LRP1B: variants seen among roughly 807,000 people sequenced by gnomAD.
LRP1B encodes the protein low-density lipoprotein receptor-related protein 1B.
Under a neutral mutation model 556.6 loss-of-function variants are expected in LRP1B, and 217 were observed. The ratio of observed to expected loss-of-function variants is 0.39; its 90% CI spans 0.35 to 0.44. The LOEUF (loss-of-function observed/expected upper bound fraction) is 0.44, where lower values mean the gene tolerates loss of function less well. Ranked by LOEUF, LRP1B falls within the 20% of genes least tolerant of loss-of-function variation. The pLI, the probability that LRP1B is intolerant of heterozygous loss-of-function variation, is 1.00. For synonymous variants in LRP1B, 2,047 were observed against 1,865.8 expected (o/e 1.10, Z -2.50); for missense variants, 5,053 against 5,620.8 (o/e 0.90, Z 3.23).
chr2:141,974,446 C>T (rs1435655336), intron 1 of LRP1B, among the ~76,000 whole-genome samples: 3 of 151,974 alleles, frequency 2.0e-5, no homozygotes, highest in Non-Finnish European at 4.4e-5. Flanking sequence ...ATACAGTATG[C>T]GTCACAGACC....
chr2:142,129,515 A>G (rs954291010), intron 1 of LRP1B, among the ~76,000 whole-genome samples: 1 of 152,080 alleles, frequency 6.6e-6, no homozygotes, highest in Admixed American at 6.5e-5. Context: ...TGTAAATACA[A>G]TAACTAAATC....
At chr2:141,402,614 T>C (rs1690487626) in intron 3 of LRP1B, among the ~76,000 whole-genome samples, 2 of 152,120 alleles carry the variant, frequency 1.3e-5, no homozygotes, top group South Asian at 4.1e-4. Context: ...TATCTTCATG[T>C]ATACTTTTAT....
At chr2:141,854,915 T>C (rs1285044717) in intron 1 of LRP1B, among the ~76,000 whole-genome samples, 2 of 152,098 alleles carry the variant, frequency 1.3e-5, no homozygotes, top group African/African-American at 2.4e-5. Context: ...GCCTAGGCTT[T>C]GTAATTGCTG....
intron 84 of LRP1B, among the ~76,000 whole-genome samples, chr2:140,275,846 A>T (rs894450679): frequency 1.3e-5 from 2 of 151,982 alleles, no homozygotes; most frequent in Non-Finnish European, 2.9e-5. Flanking sequence ...TCACCCAAAT[A>T]TTTCTATACC....
At chr2:140,769,689 A>G (rs1689238911) in intron 34 of LRP1B, among the ~76,000 whole-genome samples, 1 of 151,994 alleles carries the variant, frequency 6.6e-6, no homozygotes, top group Non-Finnish European at 1.5e-5. Context: ...GCACTGAGTT[A>G]GATGATTTGT....
At chr2:140,838,479 G>T (rs115598361) in intron 31 of LRP1B, among the ~76,000 whole-genome samples, 347 of 152,200 alleles carry the variant, frequency 2.3e-3, no homozygotes, top group African/African-American at 7.8e-3. Flanking sequence ...CATTTTATAT[G>T]AGAGGTTTAT....
At chr2:141,129,877 T>C (rs1342065173) in intron 7 of LRP1B, among the ~76,000 whole-genome samples, 1 of 151,144 alleles carries the variant, frequency 6.6e-6, no homozygotes, top group Non-Finnish European at 1.5e-5. Flanking sequence ...GATTGTACTG[T>C]TCACATGGAA....
At chr2:141,766,851 T>C (rs556115836) in intron 2 of LRP1B, among the ~76,000 whole-genome samples, 1 of 152,296 alleles carries the variant, frequency 6.6e-6, no homozygotes, top group African/African-American at 2.4e-5. Flanking sequence ...CAGGAAGGCT[T>C]ATAGCCTTGT....
chr2:140,843,488 G>A (rs986273433), intron 29 of LRP1B, among the ~76,000 whole-genome samples: 3 of 151,998 alleles, frequency 2.0e-5, no homozygotes, highest in African/African-American at 7.2e-5. Flanking sequence ...CATATAGCGT[G>A]ACTATAGCTA....
At chr2:141,167,839 A>G (rs1372793198) in intron 7 of LRP1B, among the ~76,000 whole-genome samples, 1 of 151,988 alleles carries the variant, frequency 6.6e-6, no homozygotes, top group Non-Finnish European at 1.5e-5. Context: ...ATGAAGTGAG[A>G]AAACTTGGTT....
chr2:141,690,506 G>A (rs1461030675), intron 2 of LRP1B, among the ~76,000 whole-genome samples: 1 of 144,206 alleles, frequency 6.9e-6, no homozygotes, highest in African/African-American at 2.5e-5. Context: ...TTGTATTTCA[G>A]TTTTACAACC....
chr2:141,571,814 C>T (rs1008475463), intron 2 of LRP1B, among the ~76,000 whole-genome samples: 1 of 151,396 alleles, frequency 6.6e-6, no homozygotes, highest in African/African-American at 2.4e-5. Flanking sequence ...ATCAACCAAG[C>T]AGAAAAAAAG....
chr2:141,159,032 T>C (rs1438990425), intron 7 of LRP1B, among the ~76,000 whole-genome samples: 2 of 152,182 alleles, frequency 1.3e-5, no homozygotes, highest in Non-Finnish European at 2.9e-5. Flanking sequence ...CACAGTGCTT[T>C]ATAATAAAAT....
intron 48 of LRP1B, 61 bp downstream of exon 48, chr2:140,526,176 G>GT: frequency 6.7e-7 from 1 of 1,495,110 alleles, no homozygotes; most frequent in South Asian, 1.1e-5. Flanking sequence ...CTTGCACAGT[G>GT]TTCAATGCAA....
chr2:140,860,957 C>T (rs1035793194), intron 27 of LRP1B, among the ~76,000 whole-genome samples: 1 of 151,664 alleles, frequency 6.6e-6, no homozygotes. Flanking sequence ...ATGTGTAAAA[C>T]GAAGTAAGAG....
At chr2:140,831,371 C>T (rs888124574) in intron 31 of LRP1B, among the ~76,000 whole-genome samples, 2 of 152,068 alleles carry the variant, frequency 1.3e-5, no homozygotes, top group Non-Finnish European at 2.9e-5. Flanking sequence ...TAAATCCATA[C>T]ACTTACAGCC....
chr2:140,306,635 G>GT (rs572421664), intron 83 of LRP1B, among the ~76,000 whole-genome samples: 1 of 151,126 alleles, frequency 6.6e-6, no homozygotes, highest in Non-Finnish European at 1.5e-5. Flanking sequence ...TTTTTTAAGG[G>GT]TTTTTTGTGC....
chr2:140,792,770 C>T lies in LRP1B; in HGVS notation c.5360-16532G>A, dbSNP rs533590015. Among the ~76,000 whole-genome samples, 10 of 152,172 alleles carry T rather than the reference C, an allele frequency of 6.6e-5. No homozygotes were observed. The South Asian group carries it at 1.5e-3, about 22-fold the overall frequency. ...GAGAGAGTAAGGAGGAATAGTAGTG[C>T]TTTCATTAAATGACAGAATATGTAT... On this transcript the variant is annotated intron_variant, in intron 32 of 90. Coordinates refer to ENST00000389484, the MANE Select transcript of LRP1B (RefSeq NM_018557.3).
At chr2:140,707,916 A>T (rs893958366) in intron 37 of LRP1B, among the ~76,000 whole-genome samples, 2 of 152,090 alleles carry the variant, frequency 1.3e-5, no homozygotes, top group Non-Finnish European at 2.9e-5. Flanking sequence ...CTTGGACACT[A>T]CTGCACTTTT....
Sources: allele counts gnomAD v4.1 joint callset (sites outside exome capture counted in the v4.1 genomes callset), GRCh38; gene constraint gnomAD v4.1.1; transcripts MANE v1.5; gene names NCBI Gene and HGNC (gene_info 2026-07-23, HGNC 2026-07-21).